The following AQP11 variants were observed in gnomAD, a reference collection of about 807,000 sequenced individuals.
AQP11 encodes the protein aquaporin-11.
Under a neutral mutation model 21.1 loss-of-function variants are expected in AQP11, and 20 were observed. The ratio of observed to expected loss-of-function variants is 0.95; its 90% CI spans 0.67 to 1.38. The LOEUF (loss-of-function observed/expected upper bound fraction) is 1.38, where lower values mean the gene tolerates loss of function less well. AQP11 is among the 40% of genes most tolerant of loss of function. AQP11 has a pLI of 0.00. For synonymous variants in AQP11, 167 were observed against 150.1 expected, an observed-to-expected ratio of 1.11 and a Z score of -0.82; for missense variants, 339 against 340.4, an observed-to-expected ratio of 1.00 and a Z score of 0.03.
intron 2 of AQP11, among the ~76,000 whole-genome samples, chr11:77,606,237 A>C (rs1391100729): frequency 6.6e-6 from 1 of 152,140 alleles, no homozygotes; most frequent in African/African-American, 2.4e-5. Flanking sequence ...AGTAATGACA[A>C]TCTCTGTAAA....
At chr11:77,608,451 A>C (rs1013704650) in intron 2 of AQP11, among the ~76,000 whole-genome samples, 4 of 152,106 alleles carry the variant, frequency 2.6e-5, no homozygotes, top group Non-Finnish European at 5.9e-5. Context: ...CATCTCTACT[A>C]AAAATAAAAA....
rs921152954 is a variant in AQP11 at position 77,598,825 on chromosome 11, C to T, written c.620-4731C>T. Among the ~76,000 whole-genome samples the T allele has an allele frequency of 2.6e-5, 4 of 152,320 alleles. No homozygotes were observed. The Middle Eastern group carries it at 0.01, about 389-fold the overall frequency. On this transcript the variant is annotated intron_variant, in intron 1 of 2. Coordinates refer to ENST00000313578, the MANE Select transcript of AQP11 (RefSeq NM_173039.3). ...TGTCTCGCAGGTTCAAATGATTATC[C>T]TGCCTCAGCCTCCTGAGTAGCTGGG...
At chr11:77,601,227 T>C (rs1401865245) in intron 1 of AQP11, among the ~76,000 whole-genome samples, 1 of 152,148 alleles carries the variant, frequency 6.6e-6, no homozygotes, top group Admixed American at 6.6e-5. Context: ...CAACAAAGAA[T>C]TATCCAGTAA....
intron 1 of AQP11, among the ~76,000 whole-genome samples, chr11:77,598,799 C>G (rs977487933): frequency 6.6e-6 from 1 of 152,022 alleles, no homozygotes; most frequent in Non-Finnish European, 1.5e-5. Context: ...ACTGCACCCT[C>G]TGTCTCGCAG....
At chr11:77,602,764 C>T (rs1958822396) in intron 1 of AQP11, among the ~76,000 whole-genome samples, 1 of 152,210 alleles carries the variant, frequency 6.6e-6, no homozygotes, top group South Asian at 2.1e-4. Flanking sequence ...GGATCTATCT[C>T]TGTGGCTAAG....
chr11:77,590,044 C>G lies in AQP11; in HGVS notation c.52C>G (p.Leu18Val). 6.3e-7 allele frequency: 1 copy of G among 1,587,382 alleles called. No homozygotes were observed. The change falls in exon 1 of 3, where the codon CTG (leucine) becomes GTG (valine). Residue 18 changes from leucine to valine, a missense_variant. By Grantham distance (32) the Leu-to-Val change is conservative. Transcript: ENST00000313578. Reference protein sequence around the residue: ...RSELQDTCTSLGLMLSVVLLM... With the variant: ...RSELQDTCTSVGLMLSVVLLM... ...CGAGCTGCAGGACACCTGCACCTCG[C>G]TGGGACTGATGCTGTCGGTGGTGCT...
chr11:77,606,346 A>G (rs1958846415), intron 2 of AQP11, among the ~76,000 whole-genome samples: 1 of 152,186 alleles, frequency 6.6e-6, no homozygotes, highest in Non-Finnish European at 1.5e-5. Flanking sequence ...CGATAGATAA[A>G]AAAGGAATGC....
intron 1 of AQP11, among the ~76,000 whole-genome samples, chr11:77,598,440 T>C (rs1958795911): frequency 2.0e-5 from 3 of 152,218 alleles, no homozygotes; most frequent in South Asian, 2.1e-4. Flanking sequence ...GATTGTCATC[T>C]CCCCTTCAAA....
At chr11:77,601,218 A>G (rs1958813844) in intron 1 of AQP11, among the ~76,000 whole-genome samples, 1 of 152,212 alleles carries the variant, frequency 6.6e-6, no homozygotes, top group South Asian at 2.1e-4. Context: ...GACAGCTCAC[A>G]ACAAAGAATT....
intron 1 of AQP11, among the ~76,000 whole-genome samples, chr11:77,594,321 C>T (rs1053710198): frequency 6.6e-6 from 1 of 152,164 alleles, no homozygotes; most frequent in African/African-American, 2.4e-5. Flanking sequence ...AATTTTAAGA[C>T]TTCATAGAGC....
chr11:77,596,537 A>ATATAT (rs1958782852), intron 1 of AQP11, among the ~76,000 whole-genome samples: 3 of 86,572 alleles, frequency 3.5e-5, no homozygotes, highest in Non-Finnish European at 4.6e-5. Flanking sequence ...TATATATGTA[A>ATATAT]ATATATATAT....
chr11:77,594,902 A>G (rs77292595), intron 1 of AQP11, among the ~76,000 whole-genome samples: 2 of 151,984 alleles, frequency 1.3e-5, no homozygotes, highest in South Asian at 4.2e-4. Flanking sequence ...AAAAAAAAAA[A>G]GCTGTGCGAT....
rs1958865136 is a variant in AQP11, at chr11:77,609,418, T to TG, written c.*43dup. ...AGACTAACATACAGGACAGTCCAGC[T>TG]GGATGTGATAAAGATTTTATCACCT... On this transcript the variant is annotated 3_prime_UTR_variant, in exon 3 of 3. Coordinates refer to ENST00000313578, the MANE Select transcript of AQP11 (RefSeq NM_173039.3). 2 of 1,488,088 alleles carry TG rather than the reference T, an allele frequency of 1.3e-6. No individual in the cohort carries two copies. The highest frequency in any genetic ancestry group is 2.8e-5 in the African/African-American group (2 of 71,416). 92.2% of individuals were successfully genotyped at this position (1,488,088 alleles called of 1,614,324 possible).
Position 77,610,192 on chromosome 11 carries a change from C to T in AQP11, c.*815C>T, listed in dbSNP as rs1282054761. The T allele has an allele frequency of 6.6e-6, 1 of 152,144 alleles. No homozygotes were observed. The highest frequency in any genetic ancestry group is 1.5e-5 in the Non-Finnish European group (1 of 68,022). 9.4% of individuals were successfully genotyped at this position (152,144 alleles called of 1,614,324 possible). A position where few individuals can be genotyped will look rare whatever the true frequency, so the allele number is the denominator to read the frequency against. On this transcript the variant is annotated 3_prime_UTR_variant, in exon 3 of 3. Transcript: ENST00000313578. ...GGCTTAGATCACATAGAGCCAAATA[C>T]CATCTCTAGTCTTCAACTTCAATCC...
At chr11:77,592,109 A>G (rs1304939160) in intron 1 of AQP11, among the ~76,000 whole-genome samples, 1 of 152,080 alleles carries the variant, frequency 6.6e-6, no homozygotes, top group Non-Finnish European at 1.5e-5. Flanking sequence ...TCTCCAAAAA[A>G]TACAAAAATT....
chr11:77,593,771 A>C (rs939350095), intron 1 of AQP11, among the ~76,000 whole-genome samples: 1 of 152,242 alleles, frequency 6.6e-6, no homozygotes, highest in Non-Finnish European at 1.5e-5. Flanking sequence ...CTGTGTTAGA[A>C]CTATGGTTCC....
intron 1 of AQP11, among the ~76,000 whole-genome samples, chr11:77,600,071 T>A (rs1400984082): frequency 6.6e-6 from 1 of 151,518 alleles, no homozygotes; most frequent in Non-Finnish European, 1.5e-5. Context: ...GCAGTTCTCC[T>A]GCCTGAGCCT....
chr11:77,603,584 T>C lies in AQP11; in HGVS notation c.648T>C (p.Asn216=). 1 of 1,603,484 alleles carries C rather than the reference T, an allele frequency of 6.2e-7. No individual in the cohort carries two copies. The highest frequency in any genetic ancestry group is 8.5e-7 in the Non-Finnish European group (1 of 1,175,778). ...AGGSLTGAVF[N]PALALSLHFM... ...GAAGTCTAACAGGAGCTGTATTTAA[T>C]CCAGCTTTGGCACTTTCGCTACATT... Residue 216 remains asparagine (N), a synonymous_variant, in exon 2 of 3, where the codon AAT becomes AAC. Transcript: ENST00000313578.
At chr11:77,598,295 A>C (rs1051442168) in intron 1 of AQP11, among the ~76,000 whole-genome samples, 1 of 152,152 alleles carries the variant, frequency 6.6e-6, no homozygotes, top group African/African-American at 2.4e-5. Flanking sequence ...AATATTGAGA[A>C]ACTTTAGTGC....
Sources: gnomAD v4.1 joint callset for allele counts (sites outside exome capture counted in the v4.1 genomes callset) on GRCh38, gnomAD v4.1.1 for gene constraint, MANE v1.5 for transcripts, NCBI Gene and HGNC (gene_info 2026-07-23, HGNC 2026-07-21) for gene names.